Variants in CFH observed in about 807,000 individuals in gnomAD.
CFH encodes the protein complement factor H.
CFH carries 53 observed loss-of-function variants against 147.3 expected under a neutral mutation model. That is an observed-to-expected ratio of 0.36 (90% CI 0.29 to 0.45). The LOEUF (loss-of-function observed/expected upper bound fraction) is 0.45. Among genes scored for constraint, CFH ranks in the 20% least tolerant of loss-of-function variants. The pLI, the probability that CFH is intolerant of heterozygous loss-of-function variation, is 1.00. For synonymous variants in CFH, 536 were observed against 489.4 expected (o/e 1.10, Z -1.26); for missense variants, 1,380 against 1,498.0 (o/e 0.92, Z 1.30).
intron 16 of CFH, among the ~76,000 whole-genome samples, chr1:196,737,255 A>G (rs1441400556): frequency 6.6e-6 from 1 of 152,200 alleles, no homozygotes; most frequent in African/African-American, 2.4e-5. Context: ...AATCCTTGTG[A>G]TGAACAAGAC....
chr1:196,672,835 T>C (rs541476028), intron 1 of CFH, 143 bp from the exon 2 acceptor site: 6 of 631,666 alleles, frequency 9.5e-6, no homozygotes, highest in African/African-American at 3.7e-5. Context: ...TCCATAGATA[T>C]GGGGTTAGGA....
intron 4 of CFH, 107 bp downstream of exon 4, chr1:196,676,172 G>T (rs1264332920): frequency 7.0e-5 from 45 of 638,908 alleles, no homozygotes; most frequent in East Asian, 2.9e-4. Flanking sequence ...TTTATTTAAT[G>T]TTTTTTTTTC....
intron 20 of CFH, among the ~76,000 whole-genome samples, chr1:196,745,562 A>G (rs1462793803): frequency 6.6e-6 from 1 of 152,232 alleles, no homozygotes; most frequent in Non-Finnish European, 1.5e-5. Context: ...ATTCGGAAAG[A>G]CATTTCTTAA....
chr1:196,685,288 A>G (rs997253345), intron 7 of CFH, 51 bp downstream of exon 7: 1 of 1,575,154 alleles, frequency 6.3e-7, no homozygotes, highest in East Asian at 2.2e-5. Context: ...AATTTCTTTT[A>G]AACACATAAA....
chr1:196,717,461 T>C (rs2149104545), intron 11 of CFH, among the ~76,000 whole-genome samples: 1 of 152,276 alleles, frequency 6.6e-6, no homozygotes, highest in East Asian at 1.9e-4. Context: ...TATTATATTC[T>C]GTTCAGAAAT....
chr1:196,655,722 C>G (rs1231316109), intron 1 of CFH, among the ~76,000 whole-genome samples: 8 of 152,182 alleles, frequency 5.3e-5, no homozygotes, highest in Admixed American at 3.3e-4. Context: ...GCCACCCAAT[C>G]TATCCCGTGC....
intron 9 of CFH, among the ~76,000 whole-genome samples, chr1:196,702,452 A>C (rs993677151): frequency 1.3e-5 from 2 of 151,910 alleles, no homozygotes; most frequent in Admixed American, 1.3e-4. Context: ...CTCCACTTCC[A>C]ACCTACTTAA....
At chr1:196,671,689 T>C (rs544219682) in intron 1 of CFH, among the ~76,000 whole-genome samples, 2 of 149,640 alleles carry the variant, frequency 1.3e-5, no homozygotes, top group South Asian at 2.1e-4. Context: ...ATATACTATA[T>C]ATGTGTGTAC....
chr1:196,691,288 G>T (rs1359653669), intron 9 of CFH, among the ~76,000 whole-genome samples: 1 of 151,978 alleles, frequency 6.6e-6, no homozygotes, highest in African/African-American at 2.4e-5. Flanking sequence ...TTACAGTAAA[G>T]CTATTTGACT....
chr1:196,735,788 A>G (rs1669387310), intron 15 of CFH, among the ~76,000 whole-genome samples: 1 of 152,080 alleles, frequency 6.6e-6, no homozygotes, highest in Non-Finnish European at 1.5e-5. Flanking sequence ...TAAGCAAAAT[A>G]CTTTTGATAA....
At chr1:196,699,620 C>G (rs1668392176) in intron 9 of CFH, among the ~76,000 whole-genome samples, 1 of 152,074 alleles carries the variant, frequency 6.6e-6, no homozygotes, top group Non-Finnish European at 1.5e-5. Flanking sequence ...ATATACAGTT[C>G]TAGAAGTTAA....
chr1:196,718,908 G>A (rs1183739933), intron 11 of CFH, among the ~76,000 whole-genome samples: 2 of 152,008 alleles, frequency 1.3e-5, no homozygotes, highest in Non-Finnish European at 2.9e-5. Context: ...AGAAATACCA[G>A]CTTAGTATTC....
intron 1 of CFH, among the ~76,000 whole-genome samples, chr1:196,663,298 A>G (rs1439128825): frequency 6.6e-6 from 1 of 151,942 alleles, no homozygotes; most frequent in Non-Finnish European, 1.5e-5. Context: ...ATCCTGTATT[A>G]TTTCTTTTGA....
At chr1:196,652,730 T>A (rs1207772577) in intron 1 of CFH, among the ~76,000 whole-genome samples, 1 of 151,918 alleles carries the variant, frequency 6.6e-6, no homozygotes, top group Non-Finnish European at 1.5e-5. Flanking sequence ...CAATTGAATA[T>A]ACAATATTTG....
intron 15 of CFH, among the ~76,000 whole-genome samples, chr1:196,734,709 C>G (rs1241397742): frequency 6.6e-6 from 1 of 151,924 alleles, no homozygotes; most frequent in Non-Finnish European, 1.5e-5. Flanking sequence ...GCTGATGTCA[C>G]TGCCCTCTTT....
intron 11 of CFH, among the ~76,000 whole-genome samples, chr1:196,724,055 A>C (rs1180626895): frequency 6.6e-6 from 1 of 152,038 alleles, no homozygotes; most frequent in East Asian, 1.9e-4. Flanking sequence ...GAAGTGGCGT[A>C]GTCATTTTCA....
At chr1:196,700,232 C>A (rs1235964072) in intron 9 of CFH, among the ~76,000 whole-genome samples, 2 of 152,176 alleles carry the variant, frequency 1.3e-5, no homozygotes, top group Non-Finnish European at 2.9e-5. Flanking sequence ...GGGTTTGAGT[C>A]TTGAGAATTC....
At chr1:196,680,175 AC>A (rs1199547618) in intron 6 of CFH, among the ~76,000 whole-genome samples, 1 of 151,876 alleles carries the variant, frequency 6.6e-6, no homozygotes, top group Non-Finnish European at 1.5e-5. Context: ...ATTTTAAAAT[AC>A]TTTAAAAGTA....
At chr1:196,699,350 G>T (rs998913646) in intron 9 of CFH, among the ~76,000 whole-genome samples, 5 of 152,080 alleles carry the variant, frequency 3.3e-5, no homozygotes, top group African/African-American at 1.2e-4. Flanking sequence ...CTCCTTTGGT[G>T]AACACTGTCT....
Sources: gnomAD v4.1 joint callset for allele counts (sites outside exome capture counted in the v4.1 genomes callset) on GRCh38, gnomAD v4.1.1 for gene constraint, MANE v1.5 for transcripts, NCBI Gene and HGNC (gene_info 2026-07-23, HGNC 2026-07-21) for gene names.